NUP210L: variants seen among roughly 807,000 people sequenced by gnomAD.
The protein encoded by NUP210L is nucleoporin 210 like.
A neutral mutation model predicts 208.5 loss-of-function variants in NUP210L; 74 were observed. The observed-to-expected ratio is 0.35, with a 90% CI of 0.29 to 0.43. The LOEUF is 0.43. NUP210L is among the 20% of genes least tolerant of loss of function. The pLI is 1.00. For missense variants in NUP210L, 1,843 were observed against 2,289.4 expected (o/e 0.81, Z 3.98); for synonymous variants, 780 against 816.9 (o/e 0.95, Z 0.77).
chr1:154,122,927 T>G (rs1160258263), intron 10 of NUP210L, among the ~76,000 whole-genome samples: 1 of 151,708 alleles, frequency 6.6e-6, no homozygotes, highest in African/African-American at 2.4e-5. Context: ...GGAATGCACC[T>G]GTAGTCCCAG....
chr1:154,048,098 G>GA (rs1242173868), intron 25 of NUP210L, among the ~76,000 whole-genome samples: 6 of 152,162 alleles, frequency 3.9e-5, no homozygotes, highest in Admixed American at 3.9e-4. Flanking sequence ...CAGAAGAGGT[G>GA]AAAGAGCAGG....
At chr1:154,098,511 G>A (rs1441297847) in intron 14 of NUP210L, among the ~76,000 whole-genome samples, 1 of 152,184 alleles carries the variant, frequency 6.6e-6, no homozygotes, top group Non-Finnish European at 1.5e-5. Context: ...GCTCAGAGGA[G>A]GCCCTGGAGT....
intron 35 of NUP210L, among the ~76,000 whole-genome samples, 190 bp downstream of exon 35, chr1:154,009,782 G>T (rs938794888): frequency 7.3e-6 from 1 of 136,786 alleles, no homozygotes; most frequent in African/African-American, 2.8e-5. Context: ...AACACAGCAA[G>T]ACCCAGTCTC....
intron 8 of NUP210L, among the ~76,000 whole-genome samples, chr1:154,128,593 C>G (rs941454776): frequency 6.9e-6 from 1 of 144,746 alleles, no homozygotes; most frequent in African/African-American, 2.6e-5. Context: ...GTTCACACCT[C>G]TAATTCTGGC....
chr1:154,074,871 T>G (rs1406363187), intron 16 of NUP210L, among the ~76,000 whole-genome samples: 1 of 152,226 alleles, frequency 6.6e-6, no homozygotes, highest in Non-Finnish European at 1.5e-5. Context: ...ATTTCTTACA[T>G]GCATGTATGA....
rs774790317 is a variant in NUP210L at position 154,070,336 on chromosome 1, C to T, written c.2491G>A (p.Glu831Lys). 8 of 1,612,876 alleles carry T rather than the reference C, an allele frequency of 5.0e-6. No homozygotes were observed. In the East Asian group the frequency reaches 1.6e-4, roughly 31 times the overall value. ...ACCATTTCCACTGATTTATAATCTTCGAAATGGGCTAGTGTTTCATTGGAG... is the reference window on the plus strand; with the variant it reads ...ACCATTTCCACTGATTTATAATCTTTGAAATGGGCTAGTGTTTCATTGGAG... The change falls in exon 17 of 40, where the codon GAA becomes AAA. Residue 831 changes from glutamate to lysine, a missense_variant. Physicochemically the swap from Glu to Lys is moderately conservative, Grantham distance 56 (BLOSUM62 1). This residue lies in a region of NUP210L where 408 missense variants were observed against 600.8 expected (regional missense o/e 0.68). Coordinates refer to ENST00000368559, the Ensembl canonical transcript of NUP210L.
At chr1:154,151,023 T>C (rs551081241) in intron 2 of NUP210L, among the ~76,000 whole-genome samples, 1 of 152,264 alleles carries the variant, frequency 6.6e-6, no homozygotes, top group South Asian at 2.1e-4. Context: ...TTAAGGATAC[T>C]TAACTTTGGA....
chr1:154,025,477 C>A, intron 30 of NUP210L, 65 bp downstream of exon 30: 1 of 1,096,482 alleles, frequency 9.1e-7, no homozygotes, highest in Non-Finnish European at 1.2e-6. Flanking sequence ...AAAAGAAACT[C>A]TGCTTTTTAA....
intron 16 of NUP210L, among the ~76,000 whole-genome samples, chr1:154,088,427 C>A (rs1655738027): frequency 6.6e-6 from 1 of 151,942 alleles, no homozygotes; most frequent in African/African-American, 2.4e-5. Flanking sequence ...GAAAAAAGTT[C>A]TTTTCTTGCA....
intron 27 of NUP210L, among the ~76,000 whole-genome samples, chr1:154,045,692 T>G (rs1313178185): frequency 6.6e-6 from 1 of 152,062 alleles, no homozygotes; most frequent in Non-Finnish European, 1.5e-5. Context: ...AGTCTAAAAC[T>G]TATGATAGGA....
At chr1:154,046,152 A>G in exon 27 of NUP210L, 1 of 1,614,110 alleles carries the variant, frequency 6.2e-7, no homozygotes, top group Non-Finnish European at 8.5e-7. Flanking sequence ...GCATTGCTGA[A>G]GGAGAAAGGG....
intron 27 of NUP210L, 49 bp from the exon 28 acceptor site, chr1:154,030,103 G>T: frequency 4.6e-6 from 6 of 1,295,014 alleles, no homozygotes; most frequent in East Asian, 2.7e-5. Context: ...TAAACATGGT[G>T]TCCTTCCTTT....
chr1:154,130,243 G>C (rs1398931443), intron 7 of NUP210L, among the ~76,000 whole-genome samples: 1 of 151,994 alleles, frequency 6.6e-6, no homozygotes, highest in Non-Finnish European at 1.5e-5. Flanking sequence ...GGAGGCTGAG[G>C]CAGAAGAATT....
chr1:154,060,630 G>A, exon 20 of NUP210L: 1 of 1,608,664 alleles, frequency 6.2e-7, no homozygotes, highest in Non-Finnish European at 8.5e-7. Flanking sequence ...CTTCCACAAG[G>A]CTAAATGTTT....
At chr1:154,029,388 A>C (rs1652085344) in intron 28 of NUP210L, among the ~76,000 whole-genome samples, 2 of 147,054 alleles carry the variant, frequency 1.4e-5, no homozygotes, top group African/African-American at 2.5e-5. Flanking sequence ...AAAAAAAAAA[A>C]AAAAAAAAAA....
chr1:154,107,223 C>T (rs1384868623), intron 12 of NUP210L, among the ~76,000 whole-genome samples: 1 of 152,022 alleles, frequency 6.6e-6, no homozygotes, highest in African/African-American at 2.4e-5. Context: ...CTAAAGAAAT[C>T]CCAGCACTTT....
intron 12 of NUP210L, among the ~76,000 whole-genome samples, chr1:154,107,509 C>G (rs1002976115): frequency 2.0e-5 from 3 of 151,048 alleles, no homozygotes; most frequent in Non-Finnish European, 4.4e-5. Context: ...GCATCAGTCT[C>G]TCAACAGCAG....
intron 35 of NUP210L, among the ~76,000 whole-genome samples, chr1:154,003,817 C>A (rs987742012): frequency 1.3e-5 from 2 of 152,128 alleles, no homozygotes; most frequent in Non-Finnish European, 2.9e-5. Flanking sequence ...TTCCTTCATC[C>A]CTATATCCAA....
intron 16 of NUP210L, among the ~76,000 whole-genome samples, chr1:154,072,382 G>C (rs1461912546): frequency 8.0e-6 from 1 of 125,570 alleles, no homozygotes; most frequent in Non-Finnish European, 1.6e-5. Flanking sequence ...GCCCAGGCTA[G>C]AGTGCAGTGG....
Sources: gnomAD v4.1 joint callset for allele counts (sites outside exome capture counted in the v4.1 genomes callset) on GRCh38, gnomAD v4.1.1 for gene constraint, gnomAD v4.1.1 regional missense constraint, MANE v1.5 for transcripts, NCBI Gene and HGNC (gene_info 2026-07-23, HGNC 2026-07-21) for gene names.